Variants in CYP11A1 observed in about 807,000 individuals in gnomAD.
CYP11A1 encodes the protein cholesterol side-chain cleavage enzyme, mitochondrial.
CYP11A1 carries 25 observed loss-of-function variants against 51.9 expected under a neutral mutation model. That is an observed-to-expected ratio of 0.48 (90% CI 0.35 to 0.67). The LOEUF is 0.67. Ranked by LOEUF, CYP11A1 falls within the 30% of genes least tolerant of loss-of-function variation. The pLI is 0.00. For missense variants in CYP11A1, 578 were observed against 680.9 expected, an observed-to-expected ratio of 0.85 and a Z score of 1.68; for synonymous variants, 245 against 262.1, an observed-to-expected ratio of 0.93 and a Z score of 0.63.
In CYP11A1 at chr15:74,362,391, T is replaced by TC. The variant is rs570956749; in HGVS notation, c.269+4925dup. ...ATGTTTTCTGGTTGTAGAAAAGCTT[T>TC]CCCATGCAAGAGGGCTGATGTTATA... is the stretch of plus-strand genomic sequence containing the variant. On this transcript the variant is annotated intron_variant, in intron 1 of 8. Coordinates refer to ENST00000268053, the MANE Select transcript of CYP11A1 (RefSeq NM_000781.3). 439 of 196,158 alleles carry TC rather than the reference T, an allele frequency of 2.2e-3. 3 individuals are homozygous for TC. Among genetic ancestry groups the TC allele is most frequent in the African/African-American group, 0.01 (427 of 42,370 alleles). The allele number at this position is 196,158 out of a possible 1,614,324, so 12.2% of individuals were successfully genotyped here. A position where few individuals can be genotyped will look rare whatever the true frequency, so the allele number is the denominator to read the frequency against.
chr15:74,354,046 C>G (rs2060666699), intron 1 of CYP11A1, among the ~76,000 whole-genome samples: 1 of 152,148 alleles, frequency 6.6e-6, no homozygotes, highest in African/African-American at 2.4e-5. Context: ...CCTAGTTTCT[C>G]CAAAATTTGT....
At chr15:74,364,895 G>A (rs1477813398) in intron 1 of CYP11A1, among the ~76,000 whole-genome samples, 1 of 152,142 alleles carries the variant, frequency 6.6e-6, no homozygotes, top group Admixed American at 6.5e-5. Flanking sequence ...AATAGGGTGG[G>A]GTGCGGGGTG....
rs1460490419 is a variant in CYP11A1 at position 74,345,273 on chromosome 15, T to C, written c.426-30A>G. 1.2e-6 allele frequency: 2 copies of C among 1,613,432 alleles called. No individual in the cohort carries two copies. Among genetic ancestry groups the C allele is most frequent in the Admixed American group, 3.3e-5 (2 of 60,018 alleles). ...GAAAACATGGGCCCACAAGCCCTCA[T>C]GGTCACAGACCCCAGGCCTGGTGAA... On this transcript the variant is annotated intron_variant, in intron 2 of 8. Coordinates refer to ENST00000268053, the MANE Select transcript of CYP11A1 (RefSeq NM_000781.3). The surrounding 1 kb of genome is among the most constrained non-coding windows in gnomAD (Gnocchi z 4.3).
chr15:74,363,203 C>T (rs2060716848), intron 1 of CYP11A1: 1 of 152,182 alleles, frequency 6.6e-6, no homozygotes, highest in African/African-American at 2.4e-5. Context: ...AGAAATACAT[C>T]AAATGAAGAC....
chr15:74,344,749 G>C (rs2060623808), intron 3 of CYP11A1, among the ~76,000 whole-genome samples: 1 of 152,226 alleles, frequency 6.6e-6, no homozygotes, highest in Admixed American at 6.5e-5. Flanking sequence ...CTCTGGCTTT[G>C]GCGGATGGTG....
chr15:74,339,655 G>A lies in CYP11A1; in HGVS notation c.1089C>T (p.Ala363=), dbSNP rs1334300275. The A allele has an allele frequency of 1.5e-5, 25 of 1,613,986 alleles. No homozygotes were observed. The Admixed American group carries it at 4.2e-4, about 27-fold the overall frequency. Residue 363 remains alanine, a synonymous_variant, in exon 6 of 9, where the codon GCC becomes GCT. Transcript: ENST00000268053. The part of the protein sequence containing the change: ...RAEVLAARHQ[A]QGDMATMLQL... ...GTAGCATCGTGGCCATGTCTCCCTG[G>A]GCCTGGTGCCGCGCAGCCAAGACCT...
In CYP11A1 at chr15:74,345,356, G is replaced by A; in HGVS notation, c.426-113C>T. On this transcript the variant is annotated intron_variant, in intron 2 of 8. Transcript: ENST00000268053. The surrounding 1 kb of genome is among the most constrained non-coding windows in gnomAD (Gnocchi z 4.3). ...GCTGAGTCACAGCTCACAGCATCCAGCACTCCCACCAGGGCCTCTGCCCTC... is the reference window on the plus strand; with the variant it reads ...GCTGAGTCACAGCTCACAGCATCCAACACTCCCACCAGGGCCTCTGCCCTC... The A allele has an allele frequency of 8.8e-7, 1 of 1,139,344 alleles. No individual in the cohort carries two copies. Among genetic ancestry groups the A allele is most frequent in the East Asian group, 2.6e-5 (1 of 39,074 alleles). 70.6% of individuals were successfully genotyped at this position (1,139,344 alleles called of 1,614,324 possible).
chr15:74,360,021 G>A (rs1375044949), intron 1 of CYP11A1, among the ~76,000 whole-genome samples: 1 of 152,148 alleles, frequency 6.6e-6, no homozygotes, highest in East Asian at 1.9e-4. Context: ...GCAATAGTTG[G>A]GAAATAAAGA....
At chr15:74,365,591 G>T in intron 1 of CYP11A1, 1 of 774,246 alleles carries the variant, frequency 1.3e-6, no homozygotes, top group Non-Finnish European at 1.6e-6. Flanking sequence ...AAGGGAGTGG[G>T]ATCTGGGGAA....
At chr15:74,354,397 C>T (rs951444717) in intron 1 of CYP11A1, 1 of 152,050 alleles carries the variant, frequency 6.6e-6, no homozygotes, top group African/African-American at 2.4e-5. Flanking sequence ...CCATTACCTA[C>T]CCAAATCCTA....
chr15:74,365,094 C>T (rs1303959846), intron 1 of CYP11A1, among the ~76,000 whole-genome samples: 1 of 152,084 alleles, frequency 6.6e-6, no homozygotes, highest in Non-Finnish European at 1.5e-5. Context: ...CATTGGAATG[C>T]TCTGAGTTGT....
chr15:74,367,110 C>T (rs925463167), intron 1 of CYP11A1: 2 of 620,194 alleles, frequency 3.2e-6, no homozygotes, highest in African/African-American at 3.7e-5. Context: ...GTTTAGAGTA[C>T]TTAAGACATT....
chr15:74,366,720 G>A (rs1161450730), intron 1 of CYP11A1: 1 of 152,286 alleles, frequency 6.6e-6, no homozygotes, highest in Non-Finnish European at 1.5e-5. Context: ...CGAGGAGGTT[G>A]TTTTGTTTTG....
chr15:74,345,164 G>C lies in CYP11A1; in HGVS notation c.505C>G (p.Pro169Ala). The C allele has an allele frequency of 6.2e-7, 1 of 1,614,194 alleles. No individual in the cohort carries two copies. Among genetic ancestry groups the C allele is most frequent in the South Asian group, 1.1e-5 (1 of 91,064 alleles). Reference protein sequence around the residue: ...MAPEATKNFLPLLDAVSRDFV... With the variant: ...MAPEATKNFLALLDAVSRDFV... Reference sequence around the variant, plus strand: ...TCCCGAGACACTGCATCCAACAGGGGCAAAAAGTTCTTGGTGGCCTCTGGA... The same window carrying C: ...TCCCGAGACACTGCATCCAACAGGGCCAAAAAGTTCTTGGTGGCCTCTGGA... The change falls in exon 3 of 9, where the codon CCC becomes GCC. Residue 169 changes from proline (P) to alanine (A), a missense_variant. Physicochemically the swap from Pro to Ala is conservative, Grantham distance 27. Transcript: ENST00000268053. This position sits in a 1 kb window ranked among gnomAD's most constrained non-coding sequence, Gnocchi z 4.3.
intron 1 of CYP11A1, among the ~76,000 whole-genome samples, chr15:74,348,589 G>T (rs1355954529): frequency 1.3e-5 from 2 of 152,164 alleles, no homozygotes; most frequent in Non-Finnish European, 2.9e-5. Context: ...TGGCCACCCT[G>T]ACCCTAAGAG....
At chr15:74,365,773 G>C (rs2060729450) in intron 1 of CYP11A1, 3 of 985,572 alleles carry the variant, frequency 3.0e-6, no homozygotes, top group South Asian at 4.7e-5. Context: ...AACGCAGCGA[G>C]CGAGGGCAGA....
chr15:74,357,178 A>G (rs938777103), intron 1 of CYP11A1, among the ~76,000 whole-genome samples: 2 of 151,976 alleles, frequency 1.3e-5, no homozygotes, highest in African/African-American at 4.8e-5. Context: ...CTGGATCTCA[A>G]ACATGCTTTC....
intron 1 of CYP11A1, among the ~76,000 whole-genome samples, chr15:74,355,163 T>A (rs1366017049): frequency 6.8e-6 from 1 of 147,718 alleles, no homozygotes; most frequent in Non-Finnish European, 1.5e-5. Context: ...CTTCCACCCC[T>A]CCATTCCTCC....
chr15:74,341,568 C>T (rs2060607240), intron 5 of CYP11A1, among the ~76,000 whole-genome samples: 1 of 152,098 alleles, frequency 6.6e-6, no homozygotes, highest in African/African-American at 2.4e-5. Context: ...TTCATGGCCA[C>T]ATTAGCCACT....
Sources: allele counts gnomAD v4.1 joint callset (sites outside exome capture counted in the v4.1 genomes callset), GRCh38; gene constraint gnomAD v4.1.1; non-coding constraint Gnocchi (gnomAD v3.1); transcripts MANE v1.5; gene names NCBI Gene and HGNC (gene_info 2026-07-23, HGNC 2026-07-21).